The following DMD variants were observed in gnomAD, a reference collection of about 807,000 sequenced individuals.
DMD encodes the protein mutant dystrophin.
DMD carries 63 observed loss-of-function variants against 330.1 expected under a neutral mutation model. The ratio of observed to expected loss-of-function variants is 0.19; its 90% CI spans 0.16 to 0.24. The LOEUF is 0.24. DMD is among the 10% of genes least tolerant of loss of function. The pLI, the probability that DMD is intolerant of heterozygous loss-of-function variation, is 1.00. For missense variants in DMD, 3,344 were observed against 2,684.1 expected (o/e 1.25, Z -5.43); for synonymous variants, 1,223 against 959.8 (o/e 1.27, Z -5.07).
At chrX:32,805,390 A>G (rs899494009) in intron 7 of DMD, among the ~76,000 whole-genome samples, 1 of 112,034 alleles carries the variant, frequency 8.9e-6, no homozygotes, top group African/African-American at 3.2e-5. Flanking sequence ...TTAATGAAAT[A>G]AAGTGTGAAG....
intron 7 of DMD, among the ~76,000 whole-genome samples, chrX:32,782,425 C>A (rs756608915): frequency 2.7e-5 from 3 of 111,669 alleles, no homozygotes; most frequent in Admixed American, 9.5e-5. Context: ...AGTGGAAGAA[C>A]AACATCCCAG....
intron 1 of DMD, among the ~76,000 whole-genome samples, chrX:33,250,477 A>G (rs2052755499): frequency 9.0e-6 from 1 of 110,847 alleles, no homozygotes; most frequent in Non-Finnish European, 1.9e-5. Flanking sequence ...GGTTCCTAAC[A>G]GGCCACAGAC....
intron 60 of DMD, among the ~76,000 whole-genome samples, chrX:31,372,650 T>C (rs1057508767): frequency 8.1e-5 from 9 of 111,556 alleles, no homozygotes; most frequent in Non-Finnish European, 1.3e-4. Flanking sequence ...TCTCAATAAA[T>C]TAGGTATTGA....
intron 26 of DMD, among the ~76,000 whole-genome samples, chrX:32,449,185 G>A (rs971085608): frequency 3.6e-5 from 4 of 110,635 alleles, no homozygotes; most frequent in African/African-American, 1.3e-4. Flanking sequence ...ACCAAAAAAG[G>A]AGCTGCTGAT....
At chrX:31,127,879 CCCTT>C (rs1236871092) in intron 77 of DMD, among the ~76,000 whole-genome samples, 1 of 111,878 alleles carries the variant, frequency 8.9e-6, no homozygotes, top group Admixed American at 9.5e-5. Context: ...CTCCTTCTCT[CCCTT>C]CCTCTCTTCC....
chrX:32,756,126 G>A (rs1036603744), intron 7 of DMD: 16 of 112,175 alleles, frequency 1.4e-4, no homozygotes, highest in African/African-American at 5.2e-4. Flanking sequence ...TTTCATATAA[G>A]TAACTATCAT....
chrX:31,449,817 A>AGAT (rs35763462), intron 59 of DMD, among the ~76,000 whole-genome samples: 7 of 83,254 alleles, frequency 8.4e-5, no homozygotes, highest in African/African-American at 3.3e-4. Flanking sequence ...GATAGATAGA[A>AGAT]ATCTGGCTAT....
intron 1 of DMD, among the ~76,000 whole-genome samples, chrX:33,258,021 G>C (rs1329905291): frequency 9.0e-6 from 1 of 111,243 alleles, no homozygotes; most frequent in Non-Finnish European, 1.9e-5. Context: ...TTCCAAAAAA[G>C]TCTGAGGAAA....
At chrX:33,164,932 T>G (rs754318641) in intron 1 of DMD, among the ~76,000 whole-genome samples, 5 of 107,814 alleles carry the variant, frequency 4.6e-5, no homozygotes, top group Non-Finnish European at 3.9e-5. Flanking sequence ...TTCTTTCTTT[T>G]TTTTTTTTTT....
At chrX:32,280,006 C>CATATATATATATATGTACCCCACAT (rs201513891) in intron 43 of DMD, among the ~76,000 whole-genome samples, 1 of 67,022 alleles carries the variant, frequency 1.5e-5, no homozygotes, top group African/African-American at 6.6e-5. Flanking sequence ...ATGTACCCCA[C>CATATATATATATATGTACCCCACAT]ATATATATAT....
chrX:32,547,728 G>A (rs767653268), intron 16 of DMD, among the ~76,000 whole-genome samples: 2 of 110,679 alleles, frequency 1.8e-5, no homozygotes, highest in South Asian at 3.8e-4. Context: ...GACAGGAGAG[G>A]GACTACGAAG....
chrX:31,186,292 C>T (rs1271675885), intron 67 of DMD, among the ~76,000 whole-genome samples: 1 of 112,135 alleles, frequency 8.9e-6, no homozygotes, highest in Non-Finnish European at 1.9e-5. Flanking sequence ...AAACGTGGTA[C>T]ATATACACCC....
chrX:32,562,798 C>T (rs911302364), intron 16 of DMD, among the ~76,000 whole-genome samples: 13 of 111,439 alleles, frequency 1.2e-4, no homozygotes, highest in African/African-American at 3.9e-4. Flanking sequence ...TCTCTGTTTA[C>T]CTCCTTTTAA....
At chrX:32,027,330 T>C (rs762476224) in intron 44 of DMD, among the ~76,000 whole-genome samples, 5 of 110,826 alleles carry the variant, frequency 4.5e-5, no homozygotes, top group Non-Finnish European at 9.5e-5. Flanking sequence ...CTCATTTTTC[T>C]CCCTTAAACA....
At chrX:31,446,809 C>T (rs957454109) in intron 59 of DMD, among the ~76,000 whole-genome samples, 3 of 112,135 alleles carry the variant, frequency 2.7e-5, no homozygotes, top group African/African-American at 6.5e-5. Context: ...TCATTCTCTT[C>T]TGGATAATAA....
intron 18 of DMD, among the ~76,000 whole-genome samples, chrX:32,509,303 T>C (rs963989238): frequency 3.6e-5 from 4 of 110,953 alleles, no homozygotes; most frequent in Non-Finnish European, 5.7e-5. Flanking sequence ...AACTTCTGTT[T>C]TCAGGTAGGT....
At chrX:32,491,203 G>A in intron 20 of DMD, 74 bp downstream of exon 20, 2 of 1,138,923 alleles carry the variant, frequency 1.8e-6, no homozygotes, top group Non-Finnish European at 2.4e-6. Flanking sequence ...TAAATAATTT[G>A]TTACTGTCTT....
chrX:32,484,307 A>G (rs779155493), intron 21 of DMD, among the ~76,000 whole-genome samples: 1 of 112,292 alleles, frequency 8.9e-6, no homozygotes, highest in East Asian at 2.8e-4. Context: ...TCATCTTATT[A>G]AAGCAATTCA....
At chrX:31,815,448 T>TAAAAAAAAA (rs1305724166) in intron 50 of DMD, among the ~76,000 whole-genome samples, 2 of 67,159 alleles carry the variant, frequency 3.0e-5, no homozygotes, top group Non-Finnish European at 3.1e-5. Flanking sequence ...AGACTCAGTC[T>TAAAAAAAAA]CAAAAAAAAA....
Sources: allele counts gnomAD v4.1 joint callset (sites outside exome capture counted in the v4.1 genomes callset), GRCh38; gene constraint gnomAD v4.1.1; transcripts MANE v1.5; gene names NCBI Gene and HGNC (gene_info 2026-07-23, HGNC 2026-07-21).